Variants in ST3GAL1 observed in about 807,000 individuals in gnomAD.
ST3GAL1 encodes CMP-N-acetylneuraminate-beta-galactosamide-alpha-2,3-sialyltransferase 1.
In ST3GAL1, 16 loss-of-function variants were observed where a neutral mutation model predicts 34.1. That is an observed-to-expected ratio of 0.47 (90% CI 0.32 to 0.71). The LOEUF is 0.71. Among genes scored for constraint, ST3GAL1 ranks in the 30% least tolerant of loss-of-function variants. The probability of loss-of-function intolerance (pLI) is 0.04; values close to 1 mark genes in which losing one functional copy is unlikely to be tolerated. For synonymous variants in ST3GAL1, 191 were observed against 184.7 expected (o/e 1.03, Z -0.28); for missense variants, 353 against 447.4 (o/e 0.79, Z 1.90).
intron 1 of ST3GAL1, among the ~76,000 whole-genome samples, chr8:133,558,835 T>G (rs746138410): frequency 1.5e-4 from 23 of 152,228 alleles, no homozygotes; most frequent in Non-Finnish European, 2.8e-4. Flanking sequence ...TAATGCTGTT[T>G]CATTCAACAG....
intron 3 of ST3GAL1, among the ~76,000 whole-genome samples, chr8:133,486,847 C>T (rs549071650): frequency 9.8e-5 from 15 of 152,342 alleles, no homozygotes; most frequent in Admixed American, 9.1e-4. Context: ...CAGTCAGCTC[C>T]TCATCTGTAA....
chr8:133,557,053 A>T (rs1819056963), intron 1 of ST3GAL1, among the ~76,000 whole-genome samples: 1 of 152,226 alleles, frequency 6.6e-6, no homozygotes, highest in Non-Finnish European at 1.5e-5. Flanking sequence ...GGCAATGGCC[A>T]ACCTCAGCGA....
intron 2 of ST3GAL1, among the ~76,000 whole-genome samples, chr8:133,528,554 C>G (rs1464635016): frequency 6.6e-6 from 1 of 152,248 alleles, no homozygotes; most frequent in Non-Finnish European, 1.5e-5. Flanking sequence ...GAGTCAAGAC[C>G]AGGGGTCATC....
intron 2 of ST3GAL1, among the ~76,000 whole-genome samples, chr8:133,520,700 C>T (rs901245554): frequency 1.4e-4 from 21 of 151,808 alleles, no homozygotes; most frequent in African/African-American, 2.7e-4. Flanking sequence ...TTCCCCTTTT[C>T]GGAGTCTATT....
At chr8:133,542,635 C>T (rs1818564566) in intron 2 of ST3GAL1, among the ~76,000 whole-genome samples, 1 of 152,004 alleles carries the variant, frequency 6.6e-6, no homozygotes, top group Non-Finnish European at 1.5e-5. Flanking sequence ...ATTAGCTGGG[C>T]ATGGTCGTAC....
Position 133,459,213 on chromosome 8 carries a change from C to T in ST3GAL1, c.*551G>A, listed in dbSNP as rs1815406453. ...CCTGGCCTCAAGTTTCTGTGAAAAT[C>T]TTTGGGGTAGGAGCCTCTGGTGGCT... On this transcript the variant is annotated 3_prime_UTR_variant, in exon 10 of 10. Transcript: ENST00000522652. The surrounding 1 kb of genome is among the most constrained non-coding windows in gnomAD (Gnocchi z 4.7). 2 of 152,190 alleles carry T rather than the reference C, an allele frequency of 1.3e-5. No individual in the cohort carries two copies. Among genetic ancestry groups the T allele is most frequent in the East Asian group, 1.9e-4 (1 of 5,164 alleles). 9.4% of individuals were successfully genotyped at this position (152,190 alleles called of 1,614,324 possible).
chr8:133,501,338 C>T (rs1266204524), intron 2 of ST3GAL1, among the ~76,000 whole-genome samples: 1 of 152,194 alleles, frequency 6.6e-6, no homozygotes, highest in African/African-American at 2.4e-5. Context: ...GCCCGTCCAG[C>T]CCAGCCCTAT....
At chr8:133,482,067 T>G (rs1816416871) in intron 3 of ST3GAL1, among the ~76,000 whole-genome samples, 1 of 152,118 alleles carries the variant, frequency 6.6e-6, no homozygotes, top group Admixed American at 6.5e-5. Context: ...TGCTGCTCTC[T>G]GCTCGTCCTC....
chr8:133,522,654 C>T (rs1279166006), intron 2 of ST3GAL1, among the ~76,000 whole-genome samples: 2 of 152,182 alleles, frequency 1.3e-5, no homozygotes, highest in Non-Finnish European at 2.9e-5. Flanking sequence ...ACCTGGTGGC[C>T]GCAGGGTCTT....
intron 2 of ST3GAL1, among the ~76,000 whole-genome samples, chr8:133,520,980 T>C (rs1315278798): frequency 1.4e-4 from 13 of 90,554 alleles, no homozygotes; most frequent in Middle Eastern, 0.014. Flanking sequence ...TTTGAGACAG[T>C]CTTGCTCTGT....
chr8:133,557,888 G>C (rs1380754193), intron 1 of ST3GAL1, among the ~76,000 whole-genome samples: 3 of 139,790 alleles, frequency 2.1e-5, no homozygotes, highest in Admixed American at 7.1e-5. Flanking sequence ...CTGGGCAACA[G>C]AGTGAGACTC....
At chr8:133,480,837 T>C (rs1204669317) in intron 3 of ST3GAL1, among the ~76,000 whole-genome samples, 1 of 152,218 alleles carries the variant, frequency 6.6e-6, no homozygotes, top group Non-Finnish European at 1.5e-5. Context: ...TGGTTTACTG[T>C]CATCTTTCCA....
chr8:133,554,498 C>A (rs1207575398), intron 1 of ST3GAL1, among the ~76,000 whole-genome samples: 2 of 152,010 alleles, frequency 1.3e-5, no homozygotes, highest in African/African-American at 4.8e-5. Flanking sequence ...AGGAGATGGG[C>A]CCTTTCTGAA....
chr8:133,542,318 AAC>A (rs1489211136), intron 2 of ST3GAL1, among the ~76,000 whole-genome samples: 1 of 152,244 alleles, frequency 6.6e-6, no homozygotes, highest in African/African-American at 2.4e-5. Flanking sequence ...TTGCTATGAC[AAC>A]AAGGCAGCAA....
intron 2 of ST3GAL1, among the ~76,000 whole-genome samples, chr8:133,512,507 G>C (rs1817524738): frequency 6.6e-6 from 1 of 152,206 alleles, no homozygotes; most frequent in African/African-American, 2.4e-5. Flanking sequence ...CACTCTCAAA[G>C]ACACCCAAGA....
rs2130924407 is a variant in ST3GAL1 at position 133,465,974 on chromosome 8, G to T, written c.423C>A (p.Arg141=). The T allele has an allele frequency of 6.2e-7, 1 of 1,614,154 alleles. No homozygotes were observed. Among genetic ancestry groups the T allele is most frequent in the Non-Finnish European group, 8.5e-7 (1 of 1,180,008 alleles). Residue 141 remains arginine, a synonymous_variant, in exon 6 of 10, where the codon CGC becomes CGA. Transcript: ENST00000522652. Reference sequence around the variant, plus strand: ...TGCCCGAGTTGCCCACAACGGCGCAGCGCCGGCAGCCCACCGACCTCTTCT... The same window carrying T: ...TGCCCGAGTTGCCCACAACGGCGCATCGCCGGCAGCCCACCGACCTCTTCT... ...MLEKRSVGCR[R]CAVVGNSGNL...
intron 5 of ST3GAL1, among the ~76,000 whole-genome samples, chr8:133,473,822 CG>C (rs1171584764): frequency 6.6e-6 from 1 of 152,210 alleles, no homozygotes; most frequent in African/African-American, 2.4e-5. Context: ...CTGCAATGCA[CG>C]GGGCAGCCCT....
At chr8:133,566,017 G>A (rs1038878640) in intron 1 of ST3GAL1, among the ~76,000 whole-genome samples, 9 of 152,364 alleles carry the variant, frequency 5.9e-5, no homozygotes, top group Admixed American at 5.9e-4. Flanking sequence ...CATCCCTGCT[G>A]GCCAGCCAGG....
In ST3GAL1 at chr8:133,551,574, G is replaced by C. The variant is rs549809913; in HGVS notation, c.-581-5648C>G. On this transcript the variant is annotated intron_variant, in intron 1 of 9. Transcript: ENST00000522652. Reference sequence around the variant, plus strand: ...AGAAAGAAAGAAAGAAAGAAAGAAAGAAAGAAAGAAAGAAAGAAAGAAAGA... The same window carrying C: ...AGAAAGAAAGAAAGAAAGAAAGAAACAAAGAAAGAAAGAAAGAAAGAAAGA... Among the ~76,000 whole-genome samples the C allele has an allele frequency of 3.8e-3, 563 of 148,686 alleles. 7 individuals are homozygous for C. The highest frequency in any genetic ancestry group is 0.013 in the African/African-American group (524 of 39,844).
Sources: gnomAD v4.1 joint callset for allele counts (sites outside exome capture counted in the v4.1 genomes callset) on GRCh38, gnomAD v4.1.1 for gene constraint, Gnocchi (gnomAD v3.1) non-coding constraint, MANE v1.5 for transcripts, NCBI Gene and HGNC (gene_info 2026-07-23, HGNC 2026-07-21) for gene names.